PDE10A: variants seen among roughly 807,000 people sequenced by gnomAD.
The protein encoded by PDE10A is cAMP and cAMP-inhibited cGMP 3',5'-cyclic phosphodiesterase 10A.
PDE10A carries 39 observed loss-of-function variants against 97.7 expected under a neutral mutation model. The observed-to-expected ratio is 0.40, with a 90% confidence interval of 0.31 to 0.52. PDE10A has a LOEUF of 0.52. Among genes scored for constraint, PDE10A ranks in the 20% least tolerant of loss-of-function variants. The pLI is 0.56. For synonymous variants in PDE10A, 371 were observed against 376.8 expected, an observed-to-expected ratio of 0.98 and a Z score of 0.18; for missense variants, 731 against 1,047.8, an observed-to-expected ratio of 0.70 and a Z score of 4.17.
intron 4 of PDE10A, among the ~76,000 whole-genome samples, chr6:165,449,969 G>A (rs1791166898): frequency 6.6e-6 from 1 of 152,048 alleles, no homozygotes; most frequent in Non-Finnish European, 1.5e-5. Context: ...ATAAAACTAT[G>A]CTTTCCAAAG....
chr6:165,782,518 T>C (rs1778371250), intron 1 of PDE10A, among the ~76,000 whole-genome samples: 2 of 152,224 alleles, frequency 1.3e-5, no homozygotes, highest in Non-Finnish European at 2.9e-5. Flanking sequence ...CATCCAGAGT[T>C]AGAGATCAGT....
At chr6:165,422,487 C>CATACACATA (rs1788794097) in intron 10 of PDE10A, among the ~76,000 whole-genome samples, 1 of 127,314 alleles carries the variant, frequency 7.9e-6, no homozygotes, top group African/African-American at 2.9e-5. Context: ...GCATACACAC[C>CATACACATA]TATGCATACG....
At chr6:165,709,392 T>C (rs1197618874) in intron 1 of PDE10A, among the ~76,000 whole-genome samples, 17 of 130,506 alleles carry the variant, frequency 1.3e-4, no homozygotes, top group African/African-American at 4.7e-4. Context: ...TCCACCACCA[T>C]GCTGCCGCGC....
rs984850855 is a variant in PDE10A, at chr6:165,881,968, C to T, written c.-615+105561G>A. The stretch of plus-strand genomic sequence containing the variant: ...GCAGAAGGGTTTAATGAATGATTCA[C>T]GTGATCTGCTGCCTGAGGACATTAC... On this transcript the variant is annotated intron_variant, in intron 1 of 19. Transcript: ENST00000366882. Among the ~76,000 whole-genome samples the T allele has an allele frequency of 9.9e-5, 15 of 152,256 alleles. 1 individual carries two copies. The highest frequency in any genetic ancestry group is 9.2e-4 in the Admixed American group (14 of 15,296).
chr6:165,849,078 T>A (rs1462661523), intron 1 of PDE10A, among the ~76,000 whole-genome samples: 1 of 152,236 alleles, frequency 6.6e-6, no homozygotes, highest in Admixed American at 6.5e-5. Context: ...ACATCATGAA[T>A]CATGAAAAAC....
intron 5 of PDE10A, among the ~76,000 whole-genome samples, chr6:165,446,476 T>C (rs1270374941): frequency 1.3e-5 from 2 of 152,180 alleles, no homozygotes; most frequent in Non-Finnish European, 2.9e-5. Context: ...AACAAGGCCT[T>C]AGCTATCTAG....
intron 1 of PDE10A, among the ~76,000 whole-genome samples, chr6:165,638,745 A>G (rs1788994386): frequency 6.6e-6 from 1 of 152,238 alleles, no homozygotes; most frequent in Non-Finnish European, 1.5e-5. Context: ...CCCACATTGC[A>G]TAATAAGCTA....
chr6:165,831,568 C>G (rs1427924695), intron 1 of PDE10A, among the ~76,000 whole-genome samples: 2 of 150,042 alleles, frequency 1.3e-5, no homozygotes, highest in Non-Finnish European at 3.0e-5. Flanking sequence ...AGCTCTGCCT[C>G]CCGGGTTCAC....
chr6:165,498,641 A>G (rs987914382), intron 2 of PDE10A, among the ~76,000 whole-genome samples: 1 of 151,926 alleles, frequency 6.6e-6, no homozygotes, highest in African/African-American at 2.4e-5. Context: ...TCTTAACTGG[A>G]AAGTGTTAAT....
In PDE10A at chr6:165,395,167, A is replaced by G; in HGVS notation, c.2303+14T>C. On this transcript the variant is annotated intron_variant, in intron 15 of 21. Transcript: ENST00000539869. ...CCCAATATTTCAAAAAGTAAATTTT[A>G]AAGTCATTCATACCAGGATGTCCCA... 6.4e-7 allele frequency: 1 copy of G among 1,572,754 alleles called. No individual in the cohort carries two copies. The highest frequency in any genetic ancestry group is 8.7e-7 in the Non-Finnish European group (1 of 1,143,142).
intron 2 of PDE10A, among the ~76,000 whole-genome samples, chr6:165,516,042 C>T (rs760365921): frequency 3.9e-5 from 6 of 152,104 alleles, no homozygotes; most frequent in Admixed American, 6.6e-5. Context: ...ATATCATTTC[C>T]TTGGCTTTAA....
At chr6:165,391,988 A>T (rs1449522989) in intron 16 of PDE10A, among the ~76,000 whole-genome samples, 1 of 152,162 alleles carries the variant, frequency 6.6e-6, no homozygotes, top group African/African-American at 2.4e-5. Flanking sequence ...ACCAGGATCA[A>T]TGTGGTCAGA....
At chr6:165,892,112 C>T (rs1336664881) in intron 1 of PDE10A, among the ~76,000 whole-genome samples, 3 of 152,128 alleles carry the variant, frequency 2.0e-5, no homozygotes, top group East Asian at 1.9e-4. Flanking sequence ...TGTTCTGAAC[C>T]GAAGCTGCTG....
chr6:165,819,157 T>A lies in PDE10A; in HGVS notation c.-615+168372A>T, dbSNP rs1033349822. 5.9e-5 allele frequency among the ~76,000 whole-genome samples: 9 copies of A among 152,160 alleles called. No individual in the cohort carries two copies. The highest frequency in any genetic ancestry group is 1.9e-4 in the African/African-American group (8 of 41,434). On this transcript the variant is annotated intron_variant, in intron 1 of 19. Transcript: ENST00000366882. This position sits in a 1 kb window ranked among gnomAD's most constrained non-coding sequence, Gnocchi z 4.2. ...AAACCAGTTTTCAAAACCGAGTTCA[T>A]CTCTGCACCTGCTCCCTCATCTGCT...
intron 2 of PDE10A, among the ~76,000 whole-genome samples, chr6:165,500,478 A>G (rs905713958): frequency 6.6e-6 from 1 of 152,162 alleles, no homozygotes; most frequent in African/African-American, 2.4e-5. Flanking sequence ...GCTATGCAGG[A>G]TGTGCTTTGT....
intron 1 of PDE10A, among the ~76,000 whole-genome samples, chr6:165,559,183 G>A (rs912903206): frequency 6.6e-6 from 1 of 152,136 alleles, no homozygotes; most frequent in Non-Finnish European, 1.5e-5. Flanking sequence ...AAGGATTCAT[G>A]GAAAAGAAAA....
At chr6:165,448,243 G>A (rs1791011135) in intron 5 of PDE10A, among the ~76,000 whole-genome samples, 1 of 152,222 alleles carries the variant, frequency 6.6e-6, no homozygotes, top group Non-Finnish European at 1.5e-5. Flanking sequence ...CTCAGATTAT[G>A]CTAAAATATG....
intron 1 of PDE10A, among the ~76,000 whole-genome samples, chr6:165,800,161 G>A (rs140107166): frequency 6.0e-4 from 91 of 152,310 alleles, no homozygotes; most frequent in African/African-American, 2.1e-3. Flanking sequence ...TTCTAAAAGC[G>A]AAGATACTCA....
chr6:165,658,306 C>T (rs1274205025), intron 1 of PDE10A, among the ~76,000 whole-genome samples: 2 of 152,174 alleles, frequency 1.3e-5, no homozygotes, highest in African/African-American at 4.8e-5. Context: ...TGGGAGCATA[C>T]ACATCTCCTG....
Sources: allele counts gnomAD v4.1 joint callset (sites outside exome capture counted in the v4.1 genomes callset), GRCh38; gene constraint gnomAD v4.1.1; non-coding constraint Gnocchi (gnomAD v3.1); transcripts MANE v1.5; gene names NCBI Gene and HGNC (gene_info 2026-07-23, HGNC 2026-07-21).